The following RABGGTB variants were observed in gnomAD, a reference collection of about 807,000 sequenced individuals.
RABGGTB encodes the protein geranylgeranyl transferase type-2 subunit beta.
In RABGGTB, 20 loss-of-function variants were observed where a neutral mutation model predicts 44.5. The observed-to-expected ratio is 0.45, with a 90% confidence interval of 0.32 to 0.65. The LOEUF is 0.65. Among genes scored for constraint, RABGGTB ranks in the 30% least tolerant of loss-of-function variants. RABGGTB has a pLI of 0.05. For missense variants in RABGGTB, 302 were observed against 398.7 expected (o/e 0.76, Z 2.06); for synonymous variants, 128 against 136.7 (o/e 0.94, Z 0.44).
upstream of RABGGTB, chr1:75,786,243 G>C (rs200952671): frequency 1.9e-6 from 3 of 1,613,990 alleles, no homozygotes; most frequent in African/African-American, 2.7e-5. Context: ...CCCAGGAACT[G>C]ACCCTGCTCT....
At chr1:75,786,231 T>G (rs779090002), upstream of RABGGTB, 3 of 1,613,782 alleles carry the variant, frequency 1.9e-6, no homozygotes, top group Non-Finnish European at 2.5e-6. Flanking sequence ...CTCCTAAGTC[T>G]ACCCAGGAAC....
chr1:75,786,648 GAA>G (rs1649496233), intron 1 of RABGGTB: 1 of 292,310 alleles, frequency 3.4e-6, no homozygotes, highest in South Asian at 4.2e-5. Flanking sequence ...AATGGGATCA[GAA>G]GAAAATTCGG....
intron 6 of RABGGTB, 24 bp downstream of exon 6, chr1:75,791,595 A>C: frequency 1.3e-6 from 2 of 1,546,406 alleles, no homozygotes; most frequent in Non-Finnish European, 1.8e-6. Context: ...ACAGATGAAA[A>C]TGTATTGTCA....
At chr1:75,793,784 G>A (rs1146640) in intron 7 of RABGGTB, 2,834 of 257,932 alleles carry the variant, frequency 0.011, 77 homozygotes, top group African/African-American at 0.058. Context: ...GGCTGAGTTA[G>A]GCATTCATTG....
chr1:75,793,835 T>G (rs1649705691), intron 7 of RABGGTB: 1 of 396,118 alleles, frequency 2.5e-6, no homozygotes, highest in African/African-American at 2.0e-5. Context: ...CAGTGAGTAC[T>G]GAGATATTTA....
chr1:75,790,490 T>C (rs761712091), intron 4 of RABGGTB: 1 of 1,029,580 alleles, frequency 9.7e-7, no homozygotes, highest in Non-Finnish European at 1.2e-6. Context: ...CTTCATGGGA[T>C]GTGAAAAATC....
At chr1:75,786,593 ATTTC>A (rs1649494257) in intron 1 of RABGGTB, 2 of 369,442 alleles carry the variant, frequency 5.4e-6, no homozygotes, top group South Asian at 7.5e-5. Flanking sequence ...GGTGTCAAAG[ATTTC>A]TTTAAAATCG....
At position 75,792,039 on chromosome 1, in the gene RABGGTB, G is replaced by GTAT. The variant is rs1211362286; in HGVS notation, c.580-139_580-137dup. 1.3e-5 allele frequency: 9 copies of GTAT among 678,178 alleles called. No individual in the cohort carries two copies. The East Asian group carries it at 2.5e-4, about 19-fold the overall frequency. The allele number at this position is 678,178 out of a possible 1,614,324, so 42.0% of individuals were successfully genotyped here. ...ATGCTTGGATTTTTTCAGATATGTG[G>GTAT]TATTAATACATGTTTGGAATTTTAA... On this transcript the variant is annotated intron_variant, in intron 6 of 8. Coordinates refer to ENST00000319942, the MANE Select transcript of RABGGTB (RefSeq NM_004582.4).
At position 75,794,567 on chromosome 1, in the gene RABGGTB, C is replaced by G; in HGVS notation, c.913C>G (p.Gln305Glu). ...IAGLSLLGEE[Q>E]IKPVNPVFCM... ...TGGATTGTCACTTTTGGGAGAAGAACAGATTAAACCTGTTAATCCTGTCTT... is the reference window on the plus strand; with the variant it reads ...TGGATTGTCACTTTTGGGAGAAGAAGAGATTAAACCTGTTAATCCTGTCTT... Residue 305 changes from glutamine to glutamate, a missense_variant, in exon 9 of 9, where the codon CAG (glutamine) becomes GAG (glutamate). Physicochemically the swap from Gln to Glu is conservative, Grantham distance 29. Transcript: ENST00000319942. 6.2e-7 allele frequency: 1 copy of G among 1,613,036 alleles called. No homozygotes were observed. The highest frequency in any genetic ancestry group is 1.7e-4 in the Middle Eastern group (1 of 6,054).
chr1:75,787,166 G>T (rs775096041), intron 1 of RABGGTB: 1 of 572,568 alleles, frequency 1.7e-6, no homozygotes, highest in East Asian at 4.3e-5. Flanking sequence ...TACCTGAATC[G>T]TGACTAAGAC....
chr1:75,787,183 T>G (rs1228193103), intron 1 of RABGGTB: 1 of 589,878 alleles, frequency 1.7e-6, no homozygotes, highest in African/African-American at 1.8e-5. Context: ...AGACGAAGCC[T>G]GAATGATTTA....
chr1:75,786,390 C>CACAG (rs1005225516), intron 1 of RABGGTB, 116 bp downstream of exon 1: 1 of 1,437,346 alleles, frequency 7.0e-7, no homozygotes, highest in African/African-American at 1.4e-5. Context: ...ATGGTTAGGA[C>CACAG]ACAGGCCTTG....
At chr1:75,786,420 A>G (rs1400050795) in intron 1 of RABGGTB, 146 bp downstream of exon 1, 3 of 1,181,746 alleles carry the variant, frequency 2.5e-6, no homozygotes, top group Non-Finnish European at 3.7e-6. Context: ...TTGAGTGTGA[A>G]ATATTACTCA....
chr1:75,789,006 CA>C (rs768490212), intron 2 of RABGGTB, 152 bp from the exon 3 acceptor site: 1 of 634,896 alleles, frequency 1.6e-6, no homozygotes, highest in Non-Finnish European at 2.7e-6. Flanking sequence ...TAACATTGAG[CA>C]GCACAGATTT....
chr1:75,793,816 C>T, intron 7 of RABGGTB: 1 of 329,034 alleles, frequency 3.0e-6, no homozygotes. Context: ...AAAGCAGATG[C>T]ATGCTTATCA....
chr1:75,786,961 A>G (rs967528531), intron 1 of RABGGTB: 12 of 400,086 alleles, frequency 3.0e-5, no homozygotes, highest in Non-Finnish European at 2.0e-5. Flanking sequence ...TGCCACATGT[A>G]AACCGTAAGT....
At chr1:75,794,284 A>T (rs772457538) in intron 8 of RABGGTB, 51 bp downstream of exon 8, 3 of 1,545,768 alleles carry the variant, frequency 1.9e-6, no homozygotes, top group Non-Finnish European at 2.6e-6. Flanking sequence ...CGTTTGCATT[A>T]CTTCATGGTT....
At position 75,787,914 on chromosome 1, in the gene RABGGTB, A is replaced by G. The variant is rs143774028; in HGVS notation, c.111+310A>G. 16 of 589,314 alleles carry G rather than the reference A, an allele frequency of 2.7e-5. No individual in the cohort carries two copies. The East Asian group carries it at 6.3e-4, about 23-fold the overall frequency. 36.5% of individuals were successfully genotyped at this position (589,314 alleles called of 1,614,324 possible). The stretch of plus-strand genomic sequence containing the variant: ...GGTCAATGATGTGTTGGCATGTATT[A>G]TCTGAATCTATTGCTGATGTGTAAT... On this transcript the variant is annotated intron_variant, in intron 2 of 8. Transcript: ENST00000319942.
At chr1:75,787,206 T>A in intron 1 of RABGGTB, 2 of 624,972 alleles carry the variant, frequency 3.2e-6, no homozygotes, top group South Asian at 3.0e-5. Context: ...TTCTTTTTTG[T>A]TGGATACAAT....
Sources: allele counts gnomAD v4.1 joint callset, GRCh38; gene constraint gnomAD v4.1.1; transcripts MANE v1.5; gene names NCBI Gene and HGNC (gene_info 2026-07-23, HGNC 2026-07-21).